SLC39A11: variants seen among roughly 807,000 people sequenced by gnomAD.
The protein encoded by SLC39A11 is solute carrier family 39 member 11, also known as zinc transporter ZIP11.
Under a neutral mutation model 36.1 loss-of-function variants are expected in SLC39A11, and 33 were observed. The ratio of observed to expected loss-of-function variants is 0.91; its 90% CI spans 0.69 to 1.22. The LOEUF is 1.22. Among genes scored for constraint, SLC39A11 ranks in the 50% most tolerant of loss-of-function variants. SLC39A11 has a pLI of 0.00. For synonymous variants in SLC39A11, 166 were observed against 170.3 expected (o/e 0.97, Z 0.20); for missense variants, 432 against 430.3 (o/e 1.00, Z -0.03).
At chr17:73,022,595 T>TA (rs10675859) in intron 4 of SLC39A11, among the ~76,000 whole-genome samples, 9,514 of 56,768 alleles carry the variant, frequency 0.17, 2,145 homozygotes, top group African/African-American at 0.49. Context: ...AACTCCATCT[T>TA]AAAAAAAAAA....
chr17:73,086,390 G>T (rs887124141), intron 2 of SLC39A11, among the ~76,000 whole-genome samples: 1 of 151,610 alleles, frequency 6.6e-6, no homozygotes, highest in Non-Finnish European at 1.5e-5. Context: ...ACAAAATGTG[G>T]TATGTACATA....
chr17:73,009,894 C>G (rs941681971), intron 4 of SLC39A11, among the ~76,000 whole-genome samples: 1 of 151,740 alleles, frequency 6.6e-6, no homozygotes, highest in Admixed American at 6.6e-5. Context: ...CCACTCCCCC[C>G]ACCCCACGAC....
At chr17:72,835,282 T>C (rs139075824) in intron 6 of SLC39A11, among the ~76,000 whole-genome samples, 14 of 152,188 alleles carry the variant, frequency 9.2e-5, no homozygotes, top group Admixed American at 7.2e-4. Flanking sequence ...CTGTTGGAGA[T>C]GAAAATTAAA....
chr17:73,044,050 G>C (rs543940689), intron 3 of SLC39A11, among the ~76,000 whole-genome samples: 1 of 152,214 alleles, frequency 6.6e-6, no homozygotes, highest in South Asian at 2.1e-4. Flanking sequence ...AGATGGGCTT[G>C]AATGACCTGA....
At chr17:72,888,444 T>C (rs1230576344) in intron 5 of SLC39A11, among the ~76,000 whole-genome samples, 2 of 152,180 alleles carry the variant, frequency 1.3e-5, no homozygotes, top group Admixed American at 1.3e-4. Context: ...TAGTGGTTGA[T>C]TGTCAACAGT....
chr17:72,696,073 G>A (rs1485079240), intron 7 of SLC39A11, among the ~76,000 whole-genome samples: 3 of 152,192 alleles, frequency 2.0e-5, no homozygotes, highest in Non-Finnish European at 4.4e-5. Flanking sequence ...ATGGGGCAAA[G>A]AGTCTGCAAG....
At chr17:72,659,224 T>C (rs1423129081) in intron 7 of SLC39A11, among the ~76,000 whole-genome samples, 5 of 152,280 alleles carry the variant, frequency 3.3e-5, no homozygotes, top group African/African-American at 9.6e-5. Context: ...AAGACCTGCC[T>C]GCAAATGACT....
intron 4 of SLC39A11, among the ~76,000 whole-genome samples, chr17:72,967,018 A>C (rs868401805): frequency 1.3e-5 from 2 of 152,284 alleles, no homozygotes; most frequent in Middle Eastern, 3.4e-3. Context: ...CGCGTTCCTT[A>C]TGAGAATCTA....
chr17:72,759,743 A>G (rs1180937156), intron 6 of SLC39A11, among the ~76,000 whole-genome samples: 1 of 152,212 alleles, frequency 6.6e-6, no homozygotes, highest in Non-Finnish European at 1.5e-5. Flanking sequence ...TAAACAAGAC[A>G]TAGAATTCTC....
chr17:72,922,268 T>C (rs1387106883), intron 5 of SLC39A11, among the ~76,000 whole-genome samples: 2 of 152,210 alleles, frequency 1.3e-5, no homozygotes, highest in Non-Finnish European at 2.9e-5. Context: ...CAGTTTCACA[T>C]TTATTATTCT....
At chr17:72,815,397 A>T (rs1252521446) in intron 6 of SLC39A11, among the ~76,000 whole-genome samples, 1 of 152,198 alleles carries the variant, frequency 6.6e-6, no homozygotes, top group Non-Finnish European at 1.5e-5. Context: ...AGGCAGGTGG[A>T]TCACGAGGTC....
chr17:72,862,593 G>C (rs960961455), intron 5 of SLC39A11, among the ~76,000 whole-genome samples: 9 of 152,146 alleles, frequency 5.9e-5, no homozygotes, highest in Admixed American at 5.2e-4. Context: ...ATTCAGCAAA[G>C]GTTTTGAGAA....
intron 5 of SLC39A11, among the ~76,000 whole-genome samples, chr17:72,912,636 T>C (rs1049952202): frequency 6.6e-6 from 1 of 151,956 alleles, no homozygotes; most frequent in Non-Finnish European, 1.5e-5. Context: ...TGGTGGCAAC[T>C]TCAGTAGGCT....
At chr17:73,055,937 T>C (rs531527100) in intron 3 of SLC39A11, among the ~76,000 whole-genome samples, 37 of 152,276 alleles carry the variant, frequency 2.4e-4, no homozygotes, top group East Asian at 7.7e-4. Context: ...ATTCCGGTTC[T>C]GTGGGCTGCC....
chr17:72,746,580 T>C (rs1271269845), intron 6 of SLC39A11, among the ~76,000 whole-genome samples: 1 of 151,756 alleles, frequency 6.6e-6, no homozygotes, highest in African/African-American at 2.4e-5. Context: ...CTACTAAAAA[T>C]ACAAAAAATT....
intron 5 of SLC39A11, among the ~76,000 whole-genome samples, chr17:72,931,606 C>T (rs749344514): frequency 1.3e-5 from 2 of 152,216 alleles, no homozygotes; most frequent in Admixed American, 6.5e-5. Flanking sequence ...AGCTGCCCGG[C>T]CCCCTCCCCA....
In SLC39A11 at chr17:72,837,813, C is replaced by T. The variant is rs141584340; in HGVS notation, c.601+11821G>A. The T allele has an allele frequency of 1.7e-4, 90 of 541,804 alleles. No individual in the cohort carries two copies. In the Middle Eastern group the frequency reaches 7.7e-3, roughly 47 times the overall value. The allele number at this position is 541,804 out of a possible 1,614,324, so 33.6% of individuals were successfully genotyped here. The stretch of plus-strand genomic sequence containing the variant: ...CAAAAACATACATATTACATGATAC[C>T]GTTTAAATGAAAGTCAGTCCCGGTT... On this transcript the variant is annotated intron_variant, in intron 6 of 9. Transcript: ENST00000255559.
chr17:72,694,796 T>C (rs141879318), intron 7 of SLC39A11, among the ~76,000 whole-genome samples: 2 of 152,358 alleles, frequency 1.3e-5, no homozygotes, highest in Non-Finnish European at 2.9e-5. Flanking sequence ...CTGCTGACTG[T>C]CATCCCAGGC....
chr17:72,851,975 G>A (rs1293869265), intron 5 of SLC39A11, among the ~76,000 whole-genome samples: 1 of 151,962 alleles, frequency 6.6e-6, no homozygotes, highest in African/African-American at 2.4e-5. Context: ...GGCCGAGGCA[G>A]GCGGATCATG....
Sources: gnomAD v4.1 joint callset for allele counts (sites outside exome capture counted in the v4.1 genomes callset) on GRCh38, gnomAD v4.1.1 for gene constraint, MANE v1.5 for transcripts, NCBI Gene and HGNC (gene_info 2026-07-23, HGNC 2026-07-21) for gene names.